The following SCFD2 variants were observed in gnomAD, a reference collection of about 807,000 sequenced individuals.
SCFD2 encodes the protein sec1 family domain containing 2, also known as sec1 family domain-containing protein 2.
Under a neutral mutation model 58.9 loss-of-function variants are expected in SCFD2, and 54 were observed. The observed-to-expected ratio is 0.92, with a 90% confidence interval of 0.74 to 1.15. The LOEUF is 1.15. Ranked by LOEUF, SCFD2 falls within the 50% of genes most tolerant of loss-of-function variation. SCFD2 has a pLI of 0.00. For missense variants in SCFD2, 805 were observed against 836.6 expected (o/e 0.96, Z 0.47); for synonymous variants, 321 against 335.9 (o/e 0.96, Z 0.49).
At chr4:52,906,330 T>C (rs1276124078) in intron 7 of SCFD2, among the ~76,000 whole-genome samples, 1 of 152,116 alleles carries the variant, frequency 6.6e-6, no homozygotes, top group African/African-American at 2.4e-5. Flanking sequence ...GCCATGCCTG[T>C]GAATGAAAGA....
In SCFD2 at chr4:52,873,835, G is replaced by C. The variant is rs1718405986; in HGVS notation, c.*134C>G. The C allele has an allele frequency of 3.4e-6, 2 of 595,626 alleles. No individual in the cohort carries two copies. The highest frequency in any genetic ancestry group is 1.9e-5 in the African/African-American group (1 of 53,792). 36.9% of individuals were successfully genotyped at this position (595,626 alleles called of 1,614,324 possible). A position where few individuals can be genotyped will look rare whatever the true frequency, so the allele number is the denominator to read the frequency against. On this transcript the variant is annotated 3_prime_UTR_variant, in exon 9 of 9. Coordinates refer to ENST00000401642, the MANE Select transcript of SCFD2 (RefSeq NM_152540.4). Reference sequence around the variant, plus strand: ...AAGTACCTCACTGAGTAGGTATCAAGACCCTTCAGGCAGAATTCCATCATT... The same window carrying C: ...AAGTACCTCACTGAGTAGGTATCAACACCCTTCAGGCAGAATTCCATCATT...
At chr4:52,896,954 CTCTG>C (rs1180997600) in intron 7 of SCFD2, among the ~76,000 whole-genome samples, 4 of 151,798 alleles carry the variant, frequency 2.6e-5, no homozygotes, top group Admixed American at 6.6e-5. Context: ...TGATTTGGCT[CTCTG>C]TCTGTTATTG....
At chr4:53,081,251 AT>A (rs1724138386) in intron 5 of SCFD2, among the ~76,000 whole-genome samples, 2 of 152,040 alleles carry the variant, frequency 1.3e-5, no homozygotes, top group African/African-American at 2.4e-5. Context: ...CTTTTTCAAA[AT>A]TTTTTTATTT....
intron 7 of SCFD2, among the ~76,000 whole-genome samples, chr4:52,903,430 T>C (rs887255687): frequency 1.3e-5 from 2 of 152,154 alleles, no homozygotes; most frequent in African/African-American, 2.4e-5. Flanking sequence ...GCATCCCCTG[T>C]GAAACTGAGA....
chr4:53,041,988 C>T lies in SCFD2; in HGVS notation c.1561+103345G>A, dbSNP rs74695746. On this transcript the variant is annotated intron_variant, in intron 5 of 8. Coordinates refer to ENST00000401642, the MANE Select transcript of SCFD2 (RefSeq NM_152540.4). ...AAGCTGAGGGACAAATAAGCTATGT[C>T]AAAAGAATAAAACATATCTCAAATA... Among the ~76,000 whole-genome samples, 34 of 152,208 alleles carry T rather than the reference C, an allele frequency of 2.2e-4. No individual in the cohort carries two copies. In the East Asian group the frequency reaches 4.8e-3, roughly 22 times the overall value.
intron 7 of SCFD2, among the ~76,000 whole-genome samples, chr4:52,889,460 TAG>T (rs1718830943): frequency 6.6e-6 from 1 of 152,234 alleles, no homozygotes; most frequent in Non-Finnish European, 1.5e-5. Flanking sequence ...ATTATCTGCA[TAG>T]AGTCTCATAG....
chr4:53,202,249 G>T (rs1331749195), intron 4 of SCFD2, among the ~76,000 whole-genome samples: 1 of 152,196 alleles, frequency 6.6e-6, no homozygotes, highest in Non-Finnish European at 1.5e-5. Context: ...CATATGGCCA[G>T]CCAGTTTTCC....
At chr4:53,262,238 G>C (rs1310337712) in intron 4 of SCFD2, among the ~76,000 whole-genome samples, 1 of 152,046 alleles carries the variant, frequency 6.6e-6, no homozygotes, top group African/African-American at 2.4e-5. Context: ...GGAGCATTTA[G>C]GCCATTTTCA....
At chr4:53,160,472 G>A (rs576862539) in intron 4 of SCFD2, among the ~76,000 whole-genome samples, 9 of 152,276 alleles carry the variant, frequency 5.9e-5, no homozygotes, top group African/African-American at 1.9e-4. Context: ...GACTGAATAC[G>A]GAGTATAAGC....
At chr4:53,307,837 C>G (rs1732564205) in intron 3 of SCFD2, among the ~76,000 whole-genome samples, 1 of 152,078 alleles carries the variant, frequency 6.6e-6, no homozygotes, top group South Asian at 2.1e-4. Flanking sequence ...GAAAAACTTG[C>G]CACTGCTGTG....
chr4:53,281,748 G>A (rs1161998925), intron 3 of SCFD2, among the ~76,000 whole-genome samples: 4 of 152,172 alleles, frequency 2.6e-5, no homozygotes, highest in Non-Finnish European at 5.9e-5. Flanking sequence ...GGTTATCTCT[G>A]GAACTTGCAT....
chr4:53,002,171 G>A (rs1447929726), intron 5 of SCFD2, among the ~76,000 whole-genome samples: 1 of 152,178 alleles, frequency 6.6e-6, no homozygotes, highest in Non-Finnish European at 1.5e-5. Context: ...CCCCTTGTGA[G>A]AAACACACGA....
chr4:53,212,602 G>GTGTGTGTT (rs57906429), intron 4 of SCFD2, among the ~76,000 whole-genome samples: 13 of 150,390 alleles, frequency 8.6e-5, no homozygotes, highest in South Asian at 6.3e-4. Flanking sequence ...GTGTGTGTGT[G>GTGTGTGTT]TGTGTGCATG....
intron 4 of SCFD2, among the ~76,000 whole-genome samples, chr4:53,252,223 G>A (rs1270818234): frequency 1.6e-4 from 23 of 140,384 alleles, no homozygotes; most frequent in Admixed American, 5.1e-4. Context: ...CACTGCTCAA[G>A]GAAATAAAAG....
intron 8 of SCFD2, among the ~76,000 whole-genome samples, chr4:52,877,579 G>A (rs1477164901): frequency 6.6e-6 from 1 of 152,188 alleles, no homozygotes; most frequent in Non-Finnish European, 1.5e-5. Context: ...ATTATGTGAG[G>A]ATCAATGTGA....
chr4:53,232,663 G>A (rs373035408), intron 4 of SCFD2, among the ~76,000 whole-genome samples: 9 of 152,116 alleles, frequency 5.9e-5, no homozygotes, highest in African/African-American at 2.2e-4. Flanking sequence ...TGCTCCCACT[G>A]GACAGCCTTG....
At chr4:53,118,651 C>A (rs541192505) in intron 5 of SCFD2, among the ~76,000 whole-genome samples, 2 of 152,252 alleles carry the variant, frequency 1.3e-5, no homozygotes, top group African/African-American at 4.8e-5. Flanking sequence ...TCCCACCCAC[C>A]ACCCAGAGGG....
intron 3 of SCFD2, 55 bp from the exon 4 acceptor site, chr4:53,274,056 G>A (rs1656010159): frequency 3.5e-6 from 5 of 1,437,176 alleles, no homozygotes; most frequent in South Asian, 1.4e-5. Flanking sequence ...TACAAATAAT[G>A]AGAAGGATTC....
intron 7 of SCFD2, among the ~76,000 whole-genome samples, chr4:52,899,092 A>G (rs1473094705): frequency 1.3e-5 from 2 of 151,754 alleles, no homozygotes; most frequent in Non-Finnish European, 2.9e-5. Flanking sequence ...ATGGGTCTTG[A>G]CTCTTTATCC....
Sources: gnomAD v4.1 joint callset for allele counts (sites outside exome capture counted in the v4.1 genomes callset) on GRCh38, gnomAD v4.1.1 for gene constraint, MANE v1.5 for transcripts, NCBI Gene and HGNC (gene_info 2026-07-23, HGNC 2026-07-21) for gene names.